Variants in CCDC138 observed in about 807,000 individuals in gnomAD.
CCDC138 encodes coiled-coil domain-containing protein 138.
CCDC138 carries 66 observed loss-of-function variants against 82.3 expected under a neutral mutation model. That is an observed-to-expected ratio of 0.80 (90% confidence interval 0.66 to 0.98). The LOEUF (loss-of-function observed/expected upper bound fraction) is 0.98. Ranked by LOEUF, CCDC138 falls within the 50% of genes least tolerant of loss-of-function variation. The probability of loss-of-function intolerance (pLI) is 0.00; values close to 1 mark genes in which losing one functional copy is unlikely to be tolerated. For synonymous variants in CCDC138, 297 were observed against 265.4 expected (o/e 1.12, Z -1.16); for missense variants, 816 against 758.9 (o/e 1.08, Z -0.88).
At chr2:108,824,206 G>A (rs902212175) in intron 10 of CCDC138, among the ~76,000 whole-genome samples, 1 of 152,072 alleles carries the variant, frequency 6.6e-6, no homozygotes, top group African/African-American at 2.4e-5. Flanking sequence ...TTAGCTTACT[G>A]TAATCTTTTT....
intron 13 of CCDC138, among the ~76,000 whole-genome samples, chr2:108,862,465 G>C (rs536113266): frequency 6.6e-6 from 1 of 152,186 alleles, no homozygotes; most frequent in Admixed American, 6.5e-5. Context: ...TTTCAGATTA[G>C]GGATGCTCAA....
At chr2:108,839,327 A>G (rs372895403) in intron 11 of CCDC138, 26 bp downstream of exon 11, 28 of 1,581,302 alleles carry the variant, frequency 1.8e-5, no homozygotes, top group African/African-American at 1.6e-4. Context: ...GAATTTATCT[A>G]TAAGTAATAC....
intron 6 of CCDC138, among the ~76,000 whole-genome samples, chr2:108,799,762 C>T (rs577357898): frequency 2.0e-5 from 3 of 152,114 alleles, no homozygotes; most frequent in Non-Finnish European, 4.4e-5. Flanking sequence ...CCAGTGACTC[C>T]TTGTGCTATT....
chr2:108,819,036 G>A (rs905685590), intron 10 of CCDC138, among the ~76,000 whole-genome samples: 6 of 152,188 alleles, frequency 3.9e-5, no homozygotes, highest in African/African-American at 1.4e-4. Flanking sequence ...GGTACTATGT[G>A]TTACAAGTAA....
rs1686143585 is a variant in CCDC138, at chr2:108,823,978, A to G, written c.1206+7873A>G. On this transcript the variant is annotated intron_variant, in intron 10 of 14. Coordinates refer to ENST00000295124, the MANE Select transcript of CCDC138 (RefSeq NM_144978.3). ...GGCCACAGAGTGAGACTGTCTCAAA[A>G]GAAAAAAAAGGGAGGGGTGGGGGGT... Among the ~76,000 whole-genome samples, 4 of 151,118 alleles carry G rather than the reference A, an allele frequency of 2.6e-5. No individual in the cohort carries two copies. The South Asian group carries it at 8.6e-4, about 33-fold the overall frequency.
chr2:108,788,745 T>C (rs1679390483), intron 2 of CCDC138, 107 bp from the exon 3 acceptor site: 1 of 1,448,410 alleles, frequency 6.9e-7, no homozygotes, highest in Middle Eastern at 2.5e-4. Context: ...AAAAAAAATT[T>C]GAGAGAGAAG....
In CCDC138 at chr2:108,875,331, AAAAAAG is replaced by A. The variant is rs903434238; in HGVS notation, c.1833-753_1833-748del. ...ACTTAAAGTATAATAAAAAAAAAAA[AAAAAAG>A]AAACAAATTCTTAATGATTGAAATG... is the stretch of plus-strand genomic sequence containing the variant. On this transcript the variant is annotated intron_variant, in intron 14 of 14. Transcript: ENST00000295124. 2.6e-4 allele frequency among the ~76,000 whole-genome samples: 36 copies of A among 136,310 alleles called. 1 individual carries two copies. In the East Asian group the frequency reaches 0.13, roughly 502 times the overall value. The allele number at this position is 136,310 out of a possible 152,430, so 89.4% of individuals were successfully genotyped here.
intron 10 of CCDC138, among the ~76,000 whole-genome samples, chr2:108,828,649 A>G (rs772030445): frequency 1.3e-5 from 2 of 152,214 alleles, no homozygotes; most frequent in East Asian, 1.9e-4. Context: ...CCCTCATGCA[A>G]CAAAATGAGT....
intron 12 of CCDC138, among the ~76,000 whole-genome samples, chr2:108,854,037 A>G (rs867087140): frequency 5.8e-5 from 4 of 69,352 alleles, no homozygotes; most frequent in Non-Finnish European, 1.1e-4. Flanking sequence ...TATTATATAT[A>G]ATATATAATA....
At chr2:108,826,928 C>T (rs950908252) in intron 10 of CCDC138, among the ~76,000 whole-genome samples, 1 of 152,184 alleles carries the variant, frequency 6.6e-6, no homozygotes, top group African/African-American at 2.4e-5. Flanking sequence ...GCTATATTTT[C>T]TCGTTTTCAG....
chr2:108,815,100 G>A (rs1684532666), intron 9 of CCDC138, among the ~76,000 whole-genome samples: 1 of 151,624 alleles, frequency 6.6e-6, no homozygotes, highest in Non-Finnish European at 1.5e-5. Flanking sequence ...TTTCATTTTG[G>A]TAGGCTGTCA....
chr2:108,845,873 AT>A (rs1351776571), intron 11 of CCDC138, among the ~76,000 whole-genome samples: 3 of 152,120 alleles, frequency 2.0e-5, no homozygotes, highest in Non-Finnish European at 4.4e-5. Flanking sequence ...GCCCAGCCTC[AT>A]TTTATTCTTA....
intron 12 of CCDC138, among the ~76,000 whole-genome samples, chr2:108,856,202 G>T (rs1692568692): frequency 6.6e-6 from 1 of 152,146 alleles, no homozygotes; most frequent in East Asian, 1.9e-4. Flanking sequence ...TCTGATTCAG[G>T]AGTTGTCACA....
intron 10 of CCDC138, among the ~76,000 whole-genome samples, chr2:108,826,752 A>G (rs1686676764): frequency 1.3e-5 from 2 of 152,160 alleles, no homozygotes; most frequent in African/African-American, 4.8e-5. Flanking sequence ...TATGAATTTC[A>G]GGGGCAGCCT....
At chr2:108,846,999 C>A (rs1690618026) in intron 12 of CCDC138, 69 bp downstream of exon 12, 3 of 856,354 alleles carry the variant, frequency 3.5e-6, no homozygotes, top group East Asian at 2.5e-5. Flanking sequence ...TAAAGCAATT[C>A]TTTTATCAAA....
intron 14 of CCDC138, 87 bp downstream of exon 14, chr2:108,873,676 C>A: frequency 1.2e-6 from 1 of 821,256 alleles, no homozygotes; most frequent in East Asian, 2.7e-5. Context: ...TTTGGCTTCC[C>A]TGGGCCACAC....
chr2:108,802,911 T>C (rs1394453290), intron 6 of CCDC138, among the ~76,000 whole-genome samples: 1 of 152,246 alleles, frequency 6.6e-6, no homozygotes, highest in African/African-American at 2.4e-5. Flanking sequence ...TCTTTGGCTC[T>C]GTTTATATGC....
chr2:108,814,733 A>G (rs1684466906), intron 9 of CCDC138, among the ~76,000 whole-genome samples: 1 of 150,254 alleles, frequency 6.7e-6, no homozygotes, highest in East Asian at 1.9e-4. Flanking sequence ...CAGTGGTGCA[A>G]CCTTTGCCTT....
At position 108,873,434 on chromosome 2, in the gene CCDC138, G is replaced by C. The variant is rs1045424882; in HGVS notation, c.1694-17G>C. On this transcript the variant is annotated splice_polypyrimidine_tract_variant and intron_variant, in intron 13 of 14. Transcript: ENST00000295124. ...CGCTACTCCCTAATAGTAAAGCACTGTTGATTTGTTTTGCAGAATCCTTGC... is the reference window on the plus strand; with the variant it reads ...CGCTACTCCCTAATAGTAAAGCACTCTTGATTTGTTTTGCAGAATCCTTGC... 1 of 1,571,546 alleles carries C rather than the reference G, an allele frequency of 6.4e-7. No individual in the cohort carries two copies. The highest frequency in any genetic ancestry group is 2.3e-5 in the East Asian group (1 of 44,242).
Sources: gnomAD v4.1 joint callset for allele counts (sites outside exome capture counted in the v4.1 genomes callset) on GRCh38, gnomAD v4.1.1 for gene constraint, MANE v1.5 for transcripts, NCBI Gene and HGNC (gene_info 2026-07-23, HGNC 2026-07-21) for gene names.